NAB1: variants seen among roughly 807,000 people sequenced by gnomAD.
The protein encoded by NAB1 is NGFI-A-binding protein 1.
NAB1 carries 25 observed loss-of-function variants against 49.9 expected under a neutral mutation model. The ratio of observed to expected loss-of-function variants is 0.50; its 90% CI spans 0.37 to 0.70. NAB1 has a LOEUF of 0.70. Among genes scored for constraint, NAB1 ranks in the 30% least tolerant of loss-of-function variants. The pLI, the probability that NAB1 is intolerant of heterozygous loss-of-function variation, is 0.00. For synonymous variants in NAB1, 198 were observed against 215.6 expected, an observed-to-expected ratio of 0.92 and a Z score of 0.71; for missense variants, 489 against 575.9, an observed-to-expected ratio of 0.85 and a Z score of 1.54.
chr2:190,659,109 G>A lies in NAB1; in HGVS notation c.-19-49G>A. ...TAGTGTAACCTATTTGGTGTAAGGA[G>A]TTTGAAGCAAGTATGATGAGTTTTT... On this transcript the variant is annotated intron_variant, in intron 3 of 9. Transcript: ENST00000337386. The surrounding 1 kb of genome is among the most constrained non-coding windows in gnomAD (Gnocchi z 6.2). 1.6e-6 allele frequency: 2 copies of A among 1,288,140 alleles called. No homozygotes were observed. Among genetic ancestry groups the A allele is most frequent in the South Asian group, 1.5e-5 (1 of 66,172 alleles). 79.8% of individuals were successfully genotyped at this position (1,288,140 alleles called of 1,614,324 possible).
intron 5 of NAB1, among the ~76,000 whole-genome samples, chr2:190,671,525 T>G (rs919236703): frequency 1.3e-5 from 2 of 152,120 alleles, no homozygotes; most frequent in African/African-American, 2.4e-5. Flanking sequence ...AAGAGCTGAT[T>G]CGCTGATTTT....
rs892943763 is a variant in NAB1, at chr2:190,669,273, G to A, written c.820-1053G>A. 1.3e-5 allele frequency among the ~76,000 whole-genome samples: 2 copies of A among 152,204 alleles called. No individual in the cohort carries two copies. Among genetic ancestry groups the A allele is most frequent in the African/African-American group, 4.8e-5 (2 of 41,446 alleles). On this transcript the variant is annotated intron_variant, in intron 4 of 9. Coordinates refer to ENST00000337386, the MANE Select transcript of NAB1 (RefSeq NM_005966.4). This position sits in a 1 kb window ranked among gnomAD's most constrained non-coding sequence, Gnocchi z 4.3. ...CCACAGGTAACTGAAACCTCAGACAGCAAAACTGTGGGTAAGGGGGTACTG... is the reference window on the plus strand; with the variant it reads ...CCACAGGTAACTGAAACCTCAGACAACAAAACTGTGGGTAAGGGGGTACTG...
intron 2 of NAB1, chr2:190,653,666 G>A (rs573940578): frequency 6.6e-6 from 1 of 152,214 alleles, no homozygotes; most frequent in Non-Finnish European, 1.5e-5. Context: ...ATCCCTTTGA[G>A]TGTATGGATC....
chr2:190,656,864 A>C (rs748380710), intron 3 of NAB1, among the ~76,000 whole-genome samples: 4 of 152,154 alleles, frequency 2.6e-5, no homozygotes, highest in Admixed American at 1.3e-4. Context: ...GCTCTATTCC[A>C]TAATGTGAGG....
intron 6 of NAB1, 36 bp downstream of exon 6, chr2:190,673,188 T>G: frequency 6.3e-7 from 1 of 1,598,094 alleles, no homozygotes; most frequent in Non-Finnish European, 8.6e-7. Flanking sequence ...ATGCTGATAA[T>G]GTTTGCTTTT....
rs974330783 is a variant in NAB1 at position 190,659,085 on chromosome 2, A to T, written c.-19-73A>T. On this transcript the variant is annotated intron_variant, in intron 3 of 9. Transcript: ENST00000337386. This position sits in a 1 kb window ranked among gnomAD's most constrained non-coding sequence, Gnocchi z 6.2. ...TCTCGTTTTTGTTCTTAAAACCTGT[A>T]GTGTAACCTATTTGGTGTAAGGAGT... 10 of 957,990 alleles carry T rather than the reference A, an allele frequency of 1.0e-5. No homozygotes were observed. Among genetic ancestry groups the T allele is most frequent in the Admixed American group, 8.5e-5 (3 of 35,156 alleles). The allele number at this position is 957,990 out of a possible 1,614,324, so 59.3% of individuals were successfully genotyped here. A position where few individuals can be genotyped will look rare whatever the true frequency, so the allele number is the denominator to read the frequency against.
chr2:190,653,319 G>A (rs1327928242), intron 2 of NAB1, among the ~76,000 whole-genome samples: 1 of 152,144 alleles, frequency 6.6e-6, no homozygotes, highest in Non-Finnish European at 1.5e-5. Context: ...TTGTCTAGAT[G>A]TTAAGAAGAA....
At position 190,675,381 on chromosome 2, in the gene NAB1, TA is replaced by T. The variant is rs1190651775; in HGVS notation, c.1005+2231del. Among the ~76,000 whole-genome samples the T allele has an allele frequency of 6.6e-5, 10 of 152,196 alleles. No homozygotes were observed. Among genetic ancestry groups the T allele is most frequent in the African/African-American group, 2.4e-4 (10 of 41,462 alleles). ...GTTGTTTCTTGATGAGTTTTATTGG[TA>T]AGTCTTTCTGACCCTCTCAGAGGCC... On this transcript the variant is annotated intron_variant, in intron 6 of 9. Transcript: ENST00000337386. This position sits in a 1 kb window ranked among gnomAD's most constrained non-coding sequence, Gnocchi z 5.2.
Position 190,651,892 on chromosome 2 carries a change from A to G in NAB1, c.-197+1910A>G, listed in dbSNP as rs1693686664. On this transcript the variant is annotated intron_variant, in intron 2 of 9. Coordinates refer to ENST00000337386, the MANE Select transcript of NAB1 (RefSeq NM_005966.4). The surrounding 1 kb of genome is among the most constrained non-coding windows in gnomAD (Gnocchi z 4.3). ...TATTTCATTGTGGAATTTGCTAAAC[A>G]TATTATAGCATAAATAATACCCACT... Among the ~76,000 whole-genome samples the G allele has an allele frequency of 6.6e-6, 1 of 152,250 alleles. No homozygotes were observed. The highest frequency in any genetic ancestry group is 1.5e-5 in the Non-Finnish European group (1 of 68,044).
intron 4 of NAB1, among the ~76,000 whole-genome samples, chr2:190,661,557 G>A (rs1049879770): frequency 2.6e-5 from 4 of 151,944 alleles, no homozygotes; most frequent in Non-Finnish European, 4.4e-5. Flanking sequence ...AACAAACCTA[G>A]TTAACCTGAC....
chr2:190,649,106 G>C lies in NAB1; in HGVS notation c.-588G>C, dbSNP rs1693502172. The C allele has an allele frequency of 7.4e-6, 1 of 135,192 alleles. No individual in the cohort carries two copies. The highest frequency in any genetic ancestry group is 7.1e-5 in the Admixed American group (1 of 14,158). The allele number at this position is 135,192 out of a possible 1,614,324, so 8.4% of individuals were successfully genotyped here. On this transcript the variant is annotated 5_prime_UTR_variant, in exon 1 of 10. Transcript: ENST00000337386. The surrounding 1 kb of genome is among the most constrained non-coding windows in gnomAD (Gnocchi z 6.1). ...CCGCCGCCGCCGCCCGCGCGCCGCA[G>C]CCTGGAGGAGCCGCCGCCGCCGCCG...
At position 190,659,156 on chromosome 2, in the gene NAB1, A is replaced by G; in HGVS notation, c.-19-2A>G. On this transcript the variant is annotated splice_acceptor_variant, in intron 3 of 9. Transcript: ENST00000337386. LOFTEE classifies it low-confidence loss of function (5UTR_SPLICE). This position sits in a 1 kb window ranked among gnomAD's most constrained non-coding sequence, Gnocchi z 6.2. ...TTTTACTTTTTTTTTTTTTTTTGGC[A>G]GGTTAAACCCATCCAGAGTAATGGC... is the stretch of plus-strand genomic sequence containing the variant. 2.1e-6 allele frequency: 3 copies of G among 1,429,530 alleles called. No homozygotes were observed. Among genetic ancestry groups the G allele is most frequent in the Non-Finnish European group, 1.9e-6 (2 of 1,067,774 alleles). 88.6% of individuals were successfully genotyped at this position (1,429,530 alleles called of 1,614,324 possible).
chr2:190,670,047 TGTC>T lies in NAB1; in HGVS notation c.820-275_820-273del, dbSNP rs1246697282. On this transcript the variant is annotated intron_variant, in intron 4 of 9. Transcript: ENST00000337386. The surrounding 1 kb of genome is among the most constrained non-coding windows in gnomAD (Gnocchi z 5.3). ...AATATTTTTTACTTTTTATTTTCCTTGTCGTCTATAAACTCTCCTATCTAACCA... is the reference window on the plus strand; with the variant it reads ...AATATTTTTTACTTTTTATTTTCCTTGTCTATAAACTCTCCTATCTAACCA... Among the ~76,000 whole-genome samples the T allele has an allele frequency of 2.0e-5, 3 of 152,154 alleles. No homozygotes were observed. Among genetic ancestry groups the T allele is most frequent in the Admixed American group, 6.6e-5 (1 of 15,266 alleles).
chr2:190,653,049 C>G (rs1020069357), intron 2 of NAB1, among the ~76,000 whole-genome samples: 5 of 152,186 alleles, frequency 3.3e-5, no homozygotes, highest in Non-Finnish European at 7.3e-5. Flanking sequence ...CAGTGTGGCT[C>G]AGGGAAGCCA....
At position 190,666,478 on chromosome 2, in the gene NAB1, G is replaced by C. The variant is rs1694525221; in HGVS notation, c.820-3848G>C. ...TCCCAGCACTTTGGGAGGCCAAGGT[G>C]GGTGGATTGCTTGAGGTCAGGAGTT... On this transcript the variant is annotated intron_variant, in intron 4 of 9. Transcript: ENST00000337386. This position sits in a 1 kb window ranked among gnomAD's most constrained non-coding sequence, Gnocchi z 5.6. 6.6e-6 allele frequency among the ~76,000 whole-genome samples: 1 copy of C among 152,056 alleles called. No homozygotes were observed. The highest frequency in any genetic ancestry group is 2.4e-5 in the African/African-American group (1 of 41,390).
intron 2 of NAB1, among the ~76,000 whole-genome samples, chr2:190,650,710 G>T (rs929070297): frequency 6.6e-6 from 1 of 152,142 alleles, no homozygotes; most frequent in African/African-American, 2.4e-5. Flanking sequence ...TAATCTGAGT[G>T]CCAGTAAAAG....
intron 5 of NAB1, among the ~76,000 whole-genome samples, chr2:190,672,812 TA>T (rs58387127): frequency 1.5e-4 from 22 of 149,242 alleles, no homozygotes; most frequent in African/African-American, 3.4e-4. Context: ...ACCCCATCTT[TA>T]AAAAAAAAAA....
At chr2:190,650,346 CAA>C (rs946658316) in intron 2 of NAB1, among the ~76,000 whole-genome samples, 7 of 152,144 alleles carry the variant, frequency 4.6e-5, no homozygotes, top group Non-Finnish European at 8.8e-5. Context: ...TCTGCCAACT[CAA>C]AGAGTGCAAA....
Position 190,670,483 on chromosome 2 carries a change from T to G in NAB1, c.953+24T>G. ...AAGTAAGTATTTAACTAATCGTCAT[T>G]ATTTTTGCATTGCTTGAGAGAAGTA... On this transcript the variant is annotated intron_variant, in intron 5 of 9. Coordinates refer to ENST00000337386, the MANE Select transcript of NAB1 (RefSeq NM_005966.4). This position sits in a 1 kb window ranked among gnomAD's most constrained non-coding sequence, Gnocchi z 5.3. The G allele has an allele frequency of 6.2e-7, 1 of 1,610,506 alleles. No homozygotes were observed. Among genetic ancestry groups the G allele is most frequent in the Non-Finnish European group, 8.5e-7 (1 of 1,178,052 alleles).
Sources: gnomAD v4.1 joint callset for allele counts (sites outside exome capture counted in the v4.1 genomes callset) on GRCh38, gnomAD v4.1.1 for gene constraint, Gnocchi (gnomAD v3.1) non-coding constraint, MANE v1.5 for transcripts, NCBI Gene and HGNC (gene_info 2026-07-23, HGNC 2026-07-21) for gene names.